Variants in ZNF24 observed in about 807,000 individuals in gnomAD.
ZNF24 encodes zinc finger protein 24.
ZNF24 carries 11 observed loss-of-function variants against 40.9 expected under a neutral mutation model. The ratio of observed to expected loss-of-function variants is 0.27; its 90% CI spans 0.17 to 0.45. The LOEUF (loss-of-function observed/expected upper bound fraction) is 0.45. Ranked by LOEUF, ZNF24 falls within the 20% of genes least tolerant of loss-of-function variation. The pLI is 1.00. For synonymous variants in ZNF24, 139 were observed against 154.7 expected, an observed-to-expected ratio of 0.90 and a Z score of 0.75; for missense variants, 293 against 437.7, an observed-to-expected ratio of 0.67 and a Z score of 2.95.
rs1486925738 is a variant in ZNF24 at position 35,336,081 on chromosome 18, G to A, written c.*1151C>T. On this transcript the variant is annotated 3_prime_UTR_variant, in exon 4 of 4. Coordinates refer to ENST00000261332, the MANE Select transcript of ZNF24 (RefSeq NM_006965.4). ...CCTCCCCTGAGGAATGCTCAGACAA[G>A]GGGAAGAGGCTAACTCACATAAAAC... The A allele has an allele frequency of 1.3e-5, 2 of 152,598 alleles. No individual in the cohort carries two copies. The highest frequency in any genetic ancestry group is 4.8e-5 in the African/African-American group (2 of 41,424). 9.5% of individuals were successfully genotyped at this position (152,598 alleles called of 1,614,324 possible).
At chr18:35,338,957 C>T (rs2044939264) in intron 3 of ZNF24, 1 of 1,512,640 alleles carries the variant, frequency 6.6e-7, no homozygotes, top group African/African-American at 1.4e-5. Flanking sequence ...CAGCAGACTT[C>T]AGCCCCACCC....
Position 35,337,248 on chromosome 18 carries a change from TTCAG to T in ZNF24, c.1087_1090del (p.Leu363MetfsTer3). The T allele has an allele frequency of 6.9e-7, 1 of 1,451,388 alleles. No homozygotes were observed. Among genetic ancestry groups the T allele is most frequent in the Non-Finnish European group, 9.1e-7 (1 of 1,092,952 alleles). The allele number at this position is 1,451,388 out of a possible 1,614,324, so 89.9% of individuals were successfully genotyped here. ...TTCAATTTCTTAAACTTTCACAACA[TTCAG>T]AAGTTTTTCTGCATTGTGTCTTCTC... On this transcript the variant is annotated frameshift_variant, in exon 4 of 4. Coordinates refer to ENST00000261332, the MANE Select transcript of ZNF24 (RefSeq NM_006965.4). LOFTEE classifies it high-confidence loss of function.
At chr18:35,338,611 A>C in intron 3 of ZNF24, 2 of 993,670 alleles carry the variant, frequency 2.0e-6, no homozygotes, top group Non-Finnish European at 2.4e-6. Flanking sequence ...AACTGCCTTC[A>C]GCGAAGAGGA....
chr18:35,343,416 C>T (rs2044987044), intron 1 of ZNF24, among the ~76,000 whole-genome samples: 1 of 152,120 alleles, frequency 6.6e-6, no homozygotes, highest in South Asian at 2.1e-4. Context: ...GCTTCTGGAC[C>T]TTTATTATTT....
chr18:35,332,231 G>A lies in ZNF24; in HGVS notation c.*5001C>T, dbSNP rs1272680685. The A allele has an allele frequency of 6.6e-6, 1 of 152,168 alleles. No homozygotes were observed. Among genetic ancestry groups the A allele is most frequent in the Non-Finnish European group, 1.5e-5 (1 of 68,032 alleles). The allele number at this position is 152,168 out of a possible 1,614,324, so 9.4% of individuals were successfully genotyped here. ...CAAAAGTTGACACAGGCCAAATCAT[G>A]GAAGGCCATGCTAATTTTATTAACT... On this transcript the variant is annotated 3_prime_UTR_variant, in exon 4 of 4. Transcript: ENST00000261332.
intron 3 of ZNF24, chr18:35,338,302 T>C (rs1248648168): frequency 1.0e-6 from 1 of 985,520 alleles, no homozygotes; most frequent in South Asian, 4.7e-5. Context: ...AAGAAGGGGC[T>C]GAAGATAAGC....
chr18:35,335,784 T>G lies in ZNF24; in HGVS notation c.*1448A>C, dbSNP rs1266974592. The G allele has an allele frequency of 6.6e-6, 1 of 152,062 alleles. No homozygotes were observed. The highest frequency in any genetic ancestry group is 2.4e-5 in the African/African-American group (1 of 41,446). The allele number at this position is 152,062 out of a possible 1,614,324, so 9.4% of individuals were successfully genotyped here. A position where few individuals can be genotyped will look rare whatever the true frequency, so the allele number is the denominator to read the frequency against. ...ACTGAAAATTAAAAAAAAATTCAAT[T>G]GTGATAGGTTAATAAACTAGTTAAT... On this transcript the variant is annotated 3_prime_UTR_variant, in exon 4 of 4. Coordinates refer to ENST00000261332, the MANE Select transcript of ZNF24 (RefSeq NM_006965.4).
chr18:35,335,933 A>T lies in ZNF24; in HGVS notation c.*1299T>A, dbSNP rs1216651897. 1 of 152,168 alleles carries T rather than the reference A, an allele frequency of 6.6e-6. No homozygotes were observed. Among genetic ancestry groups the T allele is most frequent in the Non-Finnish European group, 1.5e-5 (1 of 68,016 alleles). 9.4% of individuals were successfully genotyped at this position (152,168 alleles called of 1,614,324 possible). ...TCACAAACTTCCAAATTGTGGTAAG[A>T]GTATCGTGGACTCACCTCTGAACAC... is the stretch of plus-strand genomic sequence containing the variant. On this transcript the variant is annotated 3_prime_UTR_variant, in exon 4 of 4. Transcript: ENST00000261332.
intron 3 of ZNF24, 65 bp from the exon 4 acceptor site, chr18:35,337,835 A>ATT: frequency 9.9e-6 from 12 of 1,215,628 alleles, no homozygotes; most frequent in African/African-American, 1.5e-5. Flanking sequence ...CCTAAAAAAA[A>ATT]TTTTTTTTTT....
chr18:35,342,398 C>G (rs903392197), intron 1 of ZNF24: 4 of 152,104 alleles, frequency 2.6e-5, no homozygotes, highest in Non-Finnish European at 4.4e-5. Context: ...TTTAGTGTAG[C>G]CTAAGTGTTC....
intron 1 of ZNF24, chr18:35,342,797 T>C (rs2044981786): frequency 6.6e-6 from 1 of 152,236 alleles, no homozygotes; most frequent in Non-Finnish European, 1.5e-5. Context: ...TCTCAGACCA[T>C]AGCACTATCG....
chr18:35,338,916 G>C (rs1166792163), intron 3 of ZNF24: 1 of 1,453,038 alleles, frequency 6.9e-7, no homozygotes, highest in African/African-American at 1.4e-5. Context: ...ACAGAAGAAT[G>C]TCCCATGAAA....
At chr18:35,343,719 C>T (rs1217409150) in intron 1 of ZNF24, 1 of 152,240 alleles carries the variant, frequency 6.6e-6, no homozygotes, top group Non-Finnish European at 1.5e-5. Flanking sequence ...ATAATTTTCT[C>T]TTCCTTTTAT....
chr18:35,337,826 C>G (rs2044926574), intron 3 of ZNF24, 56 bp from the exon 4 acceptor site: 8 of 1,467,462 alleles, frequency 5.5e-6, no homozygotes, highest in Non-Finnish European at 7.2e-6. Context: ...GAAAAGAAAC[C>G]TAAAAAAAAT....
Position 35,337,157 on chromosome 18 carries a change from T to C in ZNF24, c.*75A>G, listed in dbSNP as rs546190995. The C allele has an allele frequency of 6.4e-6, 8 of 1,245,354 alleles. No individual in the cohort carries two copies. The highest frequency in any genetic ancestry group is 8.5e-6 in the Non-Finnish European group (8 of 942,538). The allele number at this position is 1,245,354 out of a possible 1,614,324, so 77.1% of individuals were successfully genotyped here. On this transcript the variant is annotated 3_prime_UTR_variant, in exon 4 of 4. Transcript: ENST00000261332. ...ATAGGGAAAAAACTATTCTGCATCA[T>C]TTCATATTTTAAATTTTGTCTTCAT...
chr18:35,338,825 A>C (rs945503635), intron 3 of ZNF24: 353 of 1,345,342 alleles, frequency 2.6e-4, no homozygotes, highest in Non-Finnish European at 3.1e-4. Flanking sequence ...GCAGGTGAAA[A>C]GTCACTCTAA....
In ZNF24 at chr18:35,336,068, A is replaced by C. The variant is rs1281547593; in HGVS notation, c.*1164T>G. 1 of 152,600 alleles carries C rather than the reference A, an allele frequency of 6.6e-6. No homozygotes were observed. The highest frequency in any genetic ancestry group is 1.5e-5 in the Non-Finnish European group (1 of 68,028). 9.5% of individuals were successfully genotyped at this position (152,600 alleles called of 1,614,324 possible). On this transcript the variant is annotated 3_prime_UTR_variant, in exon 4 of 4. Transcript: ENST00000261332. The stretch of plus-strand genomic sequence containing the variant: ...ACCTCACAGGTGACCTCCCCTGAGG[A>C]ATGCTCAGACAAGGGGAAGAGGCTA...
rs1234615905 is a variant in ZNF24 at position 35,340,214 on chromosome 18, G to A, written c.420+17C>T. ...TGCCAGTGCTTCTGACACAGGAAATGACACAAGCAGGCTCACCGGTTGTCC... is the reference window on the plus strand; with the variant it reads ...TGCCAGTGCTTCTGACACAGGAAATAACACAAGCAGGCTCACCGGTTGTCC... On this transcript the variant is annotated intron_variant, in intron 2 of 3. Transcript: ENST00000261332. The surrounding 1 kb of genome is among the most constrained non-coding windows in gnomAD (Gnocchi z 4.6). The A allele has an allele frequency of 3.1e-6, 5 of 1,605,388 alleles. 1 individual carries two copies. The Admixed American group carries it at 5.0e-5, about 16-fold the overall frequency.
At chr18:35,338,078 G>A in intron 3 of ZNF24, 3 of 700,632 alleles carry the variant, frequency 4.3e-6, no homozygotes, top group Non-Finnish European at 5.4e-6. Context: ...ATGTGGCTAG[G>A]TATGGATGAA....
Sources: gnomAD v4.1 joint callset for allele counts (sites outside exome capture counted in the v4.1 genomes callset) on GRCh38, gnomAD v4.1.1 for gene constraint, Gnocchi (gnomAD v3.1) non-coding constraint, MANE v1.5 for transcripts, NCBI Gene and HGNC (gene_info 2026-07-23, HGNC 2026-07-21) for gene names.